Variants in EBF1 observed in about 807,000 individuals in gnomAD.
EBF1 encodes EBF transcription factor 1.
In EBF1, 10 loss-of-function variants were observed where a neutral mutation model predicts 68.4. The ratio of observed to expected loss-of-function variants is 0.15; its 90% CI spans 0.09 to 0.25. The LOEUF (loss-of-function observed/expected upper bound fraction) is 0.25. Among genes scored for constraint, EBF1 ranks in the 10% least tolerant of loss-of-function variants. The pLI is 1.00. For synonymous variants in EBF1, 298 were observed against 299.8 expected, an observed-to-expected ratio of 0.99 and a Z score of 0.06; for missense variants, 509 against 794.4, an observed-to-expected ratio of 0.64 and a Z score of 4.32.
chr5:159,016,106 A>G (rs997848045), intron 6 of EBF1, among the ~76,000 whole-genome samples: 21 of 152,244 alleles, frequency 1.4e-4, no homozygotes, highest in African/African-American at 3.9e-4. Context: ...CTTAAGATTA[A>G]GCACATAAAA....
At position 158,864,390 on chromosome 5, in the gene EBF1, TG is replaced by T. The variant is rs537235525; in HGVS notation, c.555-24281del. On this transcript the variant is annotated intron_variant, in intron 6 of 15. Coordinates refer to ENST00000313708, the MANE Select transcript of EBF1 (RefSeq NM_024007.5). ...AAGCCAAAGGGGCAAGGGAAACTGC[TG>T]TAAAAATGAGGTGCTCACAGACTAC... Among the ~76,000 whole-genome samples, 415 of 152,260 alleles carry T rather than the reference TG, an allele frequency of 2.7e-3. 1 individual carries two copies. The highest frequency in any genetic ancestry group is 9.7e-3 in the African/African-American group (404 of 41,552).
chr5:159,061,853 G>GA (rs897194846), intron 6 of EBF1, among the ~76,000 whole-genome samples: 35 of 151,160 alleles, frequency 2.3e-4, no homozygotes, highest in Non-Finnish European at 4.1e-4. Flanking sequence ...ATAATATTAA[G>GA]AAAAAAAAGA....
intron 10 of EBF1, among the ~76,000 whole-genome samples, chr5:158,734,192 T>C (rs1407933445): frequency 6.6e-6 from 1 of 152,190 alleles, no homozygotes; most frequent in East Asian, 1.9e-4. Flanking sequence ...TAGTAGTTAT[T>C]TCTAAGTAGC....
chr5:158,757,773 G>C (rs1770457242), intron 10 of EBF1, among the ~76,000 whole-genome samples: 1 of 152,140 alleles, frequency 6.6e-6, no homozygotes, highest in African/African-American at 2.4e-5. Context: ...TTTAAGATTA[G>C]ATGTCTAAAA....
In EBF1 at chr5:158,698,704, A is replaced by T. The variant is rs1756154101; in HGVS notation, c.*407T>A. On this transcript the variant is annotated 3_prime_UTR_variant, in exon 16 of 16. Coordinates refer to ENST00000313708, the MANE Select transcript of EBF1 (RefSeq NM_024007.5). ...ACTTTTTTGTAAATATCACCACTTCATTCTTCCTTTACACAGCTTTAAAAA... is the reference window on the plus strand; with the variant it reads ...ACTTTTTTGTAAATATCACCACTTCTTTCTTCCTTTACACAGCTTTAAAAA... 2 of 197,028 alleles carry T rather than the reference A, an allele frequency of 1.0e-5. No homozygotes were observed. Among genetic ancestry groups the T allele is most frequent in the African/African-American group, 2.7e-5 (1 of 37,148 alleles). The allele number at this position is 197,028 out of a possible 1,614,324, so 12.2% of individuals were successfully genotyped here. A position where few individuals can be genotyped will look rare whatever the true frequency, so the allele number is the denominator to read the frequency against.
At chr5:158,999,951 C>A (rs772307186) in intron 6 of EBF1, among the ~76,000 whole-genome samples, 122 of 152,320 alleles carry the variant, frequency 8.0e-4, no homozygotes, top group Non-Finnish European at 7.2e-4. Context: ...TGTGGAGCAG[C>A]AGTTCTCAAA....
intron 6 of EBF1, among the ~76,000 whole-genome samples, chr5:158,954,674 C>T (rs965831570): frequency 6.6e-6 from 1 of 152,214 alleles, no homozygotes; most frequent in African/African-American, 2.4e-5. Flanking sequence ...CGGTCAGTAG[C>T]GTGGCCCTGT....
chr5:158,929,972 G>A (rs1479687024), intron 6 of EBF1, among the ~76,000 whole-genome samples: 1 of 152,188 alleles, frequency 6.6e-6, no homozygotes, highest in Non-Finnish European at 1.5e-5. Context: ...GTCAAGAGCA[G>A]GAAGTTTTAA....
In EBF1 at chr5:158,749,912, T is replaced by C. The variant is rs1351902867; in HGVS notation, c.1037-18755A>G. The stretch of plus-strand genomic sequence containing the variant: ...AGAGGTACAGGTCCCACTCTGAGTA[T>C]TGAATTATCTTTTCTCATGATGACA... On this transcript the variant is annotated intron_variant, in intron 10 of 15. Transcript: ENST00000313708. Among the ~76,000 whole-genome samples, 3 of 152,230 alleles carry C rather than the reference T, an allele frequency of 2.0e-5. No homozygotes were observed. In the East Asian group the frequency reaches 5.8e-4, roughly 29 times the overall value.
chr5:158,864,743 G>T (rs1043515690), intron 6 of EBF1, among the ~76,000 whole-genome samples: 2 of 152,134 alleles, frequency 1.3e-5, no homozygotes, highest in African/African-American at 4.8e-5. Flanking sequence ...TGATATATTG[G>T]CTGGGACTTG....
At chr5:159,087,471 C>T (rs1257835280) in intron 4 of EBF1, among the ~76,000 whole-genome samples, 1 of 150,436 alleles carries the variant, frequency 6.6e-6, no homozygotes, top group African/African-American at 2.4e-5. Flanking sequence ...CACATATATA[C>T]ACACACACAT....
At chr5:159,095,507 C>T in intron 4 of EBF1, 113 bp downstream of exon 4, 1 of 1,271,028 alleles carries the variant, frequency 7.9e-7, no homozygotes. Context: ...GAGCCGCCCC[C>T]GCTGGCTTTT....
At chr5:158,877,968 A>G (rs1162619665) in intron 6 of EBF1, among the ~76,000 whole-genome samples, 1 of 151,936 alleles carries the variant, frequency 6.6e-6, no homozygotes, top group Non-Finnish European at 1.5e-5. Flanking sequence ...ATGGAAAATA[A>G]CATAACTCCA....
chr5:159,028,036 G>T (rs1768037479), intron 6 of EBF1, among the ~76,000 whole-genome samples: 1 of 152,208 alleles, frequency 6.6e-6, no homozygotes, highest in South Asian at 2.1e-4. Context: ...AAAGCAGGTT[G>T]AAGTTGGGGC....
chr5:158,977,289 T>C (rs1756964699), intron 6 of EBF1, among the ~76,000 whole-genome samples: 1 of 152,150 alleles, frequency 6.6e-6, no homozygotes. Flanking sequence ...TAATCTAAAA[T>C]ACATTAATAA....
intron 6 of EBF1, among the ~76,000 whole-genome samples, chr5:159,068,982 GGGGAAAAAGGC>G (rs1454191578): frequency 6.6e-6 from 1 of 151,852 alleles, no homozygotes; most frequent in East Asian, 1.9e-4. Context: ...CTTAAAAATG[GGGGAAAAAGGC>G]ATGGTAATTC....
chr5:158,931,117 A>C (rs1810797299), intron 6 of EBF1, among the ~76,000 whole-genome samples: 1 of 152,168 alleles, frequency 6.6e-6, no homozygotes, highest in African/African-American at 2.4e-5. Context: ...CCCATATCTC[A>C]CCTGCTTTAG....
chr5:158,777,910 A>C (rs914188000), intron 9 of EBF1, among the ~76,000 whole-genome samples: 1 of 152,180 alleles, frequency 6.6e-6, no homozygotes, highest in African/African-American at 2.4e-5. Context: ...TGGTGTTTGA[A>C]CTGAGCCTGT....
intron 10 of EBF1, among the ~76,000 whole-genome samples, chr5:158,754,379 C>A (rs923812530): frequency 2.6e-5 from 4 of 152,138 alleles, no homozygotes; most frequent in Non-Finnish European, 4.4e-5. Context: ...TCAGACCTGA[C>A]TGACCACAGC....
Sources: gnomAD v4.1 joint callset for allele counts (sites outside exome capture counted in the v4.1 genomes callset) on GRCh38, gnomAD v4.1.1 for gene constraint, MANE v1.5 for transcripts, NCBI Gene and HGNC (gene_info 2026-07-23, HGNC 2026-07-21) for gene names.